The following VWC2 variants were observed in gnomAD, a reference collection of about 807,000 sequenced individuals.
VWC2 encodes the protein brorin.
VWC2 carries 14 observed loss-of-function variants against 29.8 expected under a neutral mutation model. The ratio of observed to expected loss-of-function variants is 0.47; its 90% CI spans 0.31 to 0.74. The LOEUF is 0.74. Among genes scored for constraint, VWC2 ranks in the 30% least tolerant of loss-of-function variants. VWC2 has a pLI of 0.05. For missense variants in VWC2, 457 were observed against 459.8 expected (o/e 0.99, Z 0.05); for synonymous variants, 213 against 199.0 (o/e 1.07, Z -0.59).
At chr7:49,804,371 CGCCTCTGGTCT>C (rs1788822792) in intron 3 of VWC2, among the ~76,000 whole-genome samples, 1 of 151,982 alleles carries the variant, frequency 6.6e-6, no homozygotes, top group African/African-American at 2.4e-5. Context: ...CCCGAGTGAG[CGCCTCTGGTCT>C]GCTGGGAGAG....
chr7:49,811,214 C>A (rs936061448), intron 3 of VWC2, among the ~76,000 whole-genome samples: 1 of 152,132 alleles, frequency 6.6e-6, no homozygotes, highest in Non-Finnish European at 1.5e-5. Flanking sequence ...GACAGTTCAG[C>A]AAAAGAGACA....
chr7:49,789,071 AGTGT>A (rs1161101374), intron 2 of VWC2, among the ~76,000 whole-genome samples: 2 of 126,338 alleles, frequency 1.6e-5, no homozygotes, highest in African/African-American at 3.5e-5. Flanking sequence ...TGGGTGCGTG[AGTGT>A]GTGAGAGTGT....
chr7:49,820,433 G>T (rs1384673645), intron 3 of VWC2, among the ~76,000 whole-genome samples: 2 of 152,286 alleles, frequency 1.3e-5, no homozygotes, highest in East Asian at 1.9e-4. Context: ...AAGCAGAGGA[G>T]AATAAATGGA....
At chr7:49,789,778 C>A (rs976080538) in intron 2 of VWC2, among the ~76,000 whole-genome samples, 1 of 152,240 alleles carries the variant, frequency 6.6e-6, no homozygotes, top group Non-Finnish European at 1.5e-5. Context: ...TACTTTCTTT[C>A]TCTTACGGGC....
At chr7:49,783,413 G>A (rs1324470234) in intron 2 of VWC2, among the ~76,000 whole-genome samples, 3 of 152,120 alleles carry the variant, frequency 2.0e-5, no homozygotes, top group Admixed American at 1.3e-4. Flanking sequence ...GGAATCCTGG[G>A]CCAGATGTTC....
intron 3 of VWC2, among the ~76,000 whole-genome samples, chr7:49,902,549 G>A (rs547579513): frequency 2.3e-5 from 3 of 131,504 alleles, no homozygotes; most frequent in South Asian, 4.7e-4. Flanking sequence ...TTGGATATCC[G>A]TAGCCAAAAA....
chr7:49,867,442 G>A (rs977363171), intron 3 of VWC2, among the ~76,000 whole-genome samples: 10 of 152,304 alleles, frequency 6.6e-5, no homozygotes, highest in South Asian at 2.1e-4. Context: ...ACTGAGAGGC[G>A]GAGGTGGGCC....
chr7:49,829,764 G>A (rs992291321), intron 3 of VWC2, among the ~76,000 whole-genome samples: 1 of 152,118 alleles, frequency 6.6e-6, no homozygotes, highest in African/African-American at 2.4e-5. Context: ...GGATCTCTTT[G>A]CATCTTCAGC....
intron 3 of VWC2, among the ~76,000 whole-genome samples, chr7:49,871,141 AATAAG>A (rs1332593296): frequency 6.6e-6 from 1 of 152,240 alleles, no homozygotes; most frequent in African/African-American, 2.4e-5. Context: ...GTGATAAAGG[AATAAG>A]ATATCAATTT....
chr7:49,894,697 G>A (rs1207757186), intron 3 of VWC2, among the ~76,000 whole-genome samples: 1 of 152,204 alleles, frequency 6.6e-6, no homozygotes, highest in East Asian at 1.9e-4. Context: ...CGTGGGTGGG[G>A]GCCTAGGGCT....
At chr7:49,873,724 C>T (rs915411082) in intron 3 of VWC2, among the ~76,000 whole-genome samples, 1 of 152,090 alleles carries the variant, frequency 6.6e-6, no homozygotes. Flanking sequence ...TACAGGGAAA[C>T]TTCAACATGT....
intron 3 of VWC2, among the ~76,000 whole-genome samples, chr7:49,843,452 G>A (rs1002353201): frequency 6.6e-6 from 1 of 152,196 alleles, no homozygotes; most frequent in Non-Finnish European, 1.5e-5. Context: ...TTCAAGAAAT[G>A]AAAGGGTCTA....
At chr7:49,854,436 T>C (rs1423986398) in intron 3 of VWC2, among the ~76,000 whole-genome samples, 1 of 152,112 alleles carries the variant, frequency 6.6e-6, no homozygotes, top group Non-Finnish European at 1.5e-5. Context: ...CTCATTGTGG[T>C]TTTGATTTGC....
At chr7:49,907,920 T>A (rs1429784797) in intron 3 of VWC2, among the ~76,000 whole-genome samples, 1 of 152,140 alleles carries the variant, frequency 6.6e-6, no homozygotes, top group Non-Finnish European at 1.5e-5. Context: ...TCAGAGCTCT[T>A]ATCAGACCTA....
At chr7:49,821,773 T>A (rs11767338) in intron 3 of VWC2, among the ~76,000 whole-genome samples, 2 of 152,006 alleles carry the variant, frequency 1.3e-5, no homozygotes, top group Non-Finnish European at 2.9e-5. Context: ...AGTACAATTA[T>A]TTTTTGACTC....
Position 49,775,771 on chromosome 7 carries a change from G to A in VWC2, c.336G>A (p.Arg112=), listed in dbSNP as rs767135413. ...CCAAGGCCGGGGATCTGCAGGTCCG[G>A]CCCCGCGGGGACACCCCGCAGGCGG... ...GGAKAGDLQV[R]PRGDTPQAEA... The change falls in exon 2 of 4, where the codon CGG becomes CGA. Residue 112 remains arginine, a synonymous_variant. Transcript: ENST00000340652. 10 of 1,517,868 alleles carry A rather than the reference G, an allele frequency of 6.6e-6. No homozygotes were observed. The highest frequency in any genetic ancestry group is 2.1e-5 in the Admixed American group (1 of 48,144). The allele number at this position is 1,517,868 out of a possible 1,614,324, so 94.0% of individuals were successfully genotyped here.
intron 3 of VWC2, among the ~76,000 whole-genome samples, chr7:49,898,994 CA>C (rs1334104620): frequency 6.6e-6 from 1 of 151,924 alleles, no homozygotes; most frequent in African/African-American, 2.4e-5. Flanking sequence ...GATATTAATT[CA>C]ACTATATTAA....
At chr7:49,798,450 C>T (rs774371711) in intron 2 of VWC2, among the ~76,000 whole-genome samples, 4 of 152,200 alleles carry the variant, frequency 2.6e-5, no homozygotes, top group Non-Finnish European at 4.4e-5. Context: ...GCTGGAGCCA[C>T]GGCTGCAGCT....
chr7:49,823,375 T>G (rs888307675), intron 3 of VWC2, among the ~76,000 whole-genome samples: 2 of 152,174 alleles, frequency 1.3e-5, no homozygotes, highest in East Asian at 3.8e-4. Context: ...CTAAAGAGAC[T>G]GACTCTAAGA....
Sources: gnomAD v4.1 joint callset for allele counts (sites outside exome capture counted in the v4.1 genomes callset) on GRCh38, gnomAD v4.1.1 for gene constraint, MANE v1.5 for transcripts, NCBI Gene and HGNC (gene_info 2026-07-23, HGNC 2026-07-21) for gene names.